The following CENPH variants were observed in gnomAD, a reference collection of about 807,000 sequenced individuals.
CENPH encodes CENP-H.
Under a neutral mutation model 42.9 loss-of-function variants are expected in CENPH, and 40 were observed. The observed-to-expected ratio is 0.93, with a 90% confidence interval of 0.72 to 1.21. The LOEUF is 1.21. Ranked by LOEUF, CENPH falls within the 50% of genes most tolerant of loss-of-function variation. CENPH has a pLI of 0.00. For synonymous variants in CENPH, 88 were observed against 96.5 expected (o/e 0.91, Z 0.52); for missense variants, 302 against 292.9 (o/e 1.03, Z -0.23).
intron 7 of CENPH, among the ~76,000 whole-genome samples, chr5:69,205,515 C>T (rs986334411): frequency 8.5e-5 from 13 of 152,122 alleles, no homozygotes; most frequent in African/African-American, 2.4e-4. Context: ...GCGTAAGCCA[C>T]TGTGACCGGC....
intron 5 of CENPH, among the ~76,000 whole-genome samples, chr5:69,198,891 G>A (rs1046875872): frequency 6.6e-6 from 1 of 152,012 alleles, no homozygotes; most frequent in African/African-American, 2.4e-5. Context: ...GCTGCAGTAA[G>A]CTGTGATCTT....
Position 69,208,375 on chromosome 5 carries a change from A to T in CENPH, c.651+16A>T. On this transcript the variant is annotated intron_variant, in intron 8 of 8. Coordinates refer to ENST00000283006, the MANE Select transcript of CENPH (RefSeq NM_022909.4). ...TGTGTTCCAGGTAACATTTATATAA[A>T]CTAGCAAGAGTTTTAATCTTGTTGC... The T allele has an allele frequency of 3.3e-6, 5 of 1,530,826 alleles. No homozygotes were observed. Among genetic ancestry groups the T allele is most frequent in the Non-Finnish European group, 4.5e-6 (5 of 1,114,930 alleles). The allele number at this position is 1,530,826 out of a possible 1,614,324, so 94.8% of individuals were successfully genotyped here.
In CENPH at chr5:69,195,702, A is replaced by T. The variant is rs1055277435; in HGVS notation, c.240-15A>T. On this transcript the variant is annotated splice_polypyrimidine_tract_variant and intron_variant, in intron 3 of 8. Coordinates refer to ENST00000283006, the MANE Select transcript of CENPH (RefSeq NM_022909.4). ...TGATATTGCTGAAATTCTTTTGCTC[A>T]TGTTTCTTTGATAGTAAAATTGAAG... is the stretch of plus-strand genomic sequence containing the variant. 31 of 1,445,058 alleles carry T rather than the reference A, an allele frequency of 2.1e-5. No individual in the cohort carries two copies. Among genetic ancestry groups the T allele is most frequent in the Non-Finnish European group, 3.0e-5 (31 of 1,037,582 alleles). The allele number at this position is 1,445,058 out of a possible 1,614,324, so 89.5% of individuals were successfully genotyped here. A position where few individuals can be genotyped will look rare whatever the true frequency, so the allele number is the denominator to read the frequency against.
At chr5:69,196,405 G>A (rs1297710422) in intron 4 of CENPH, among the ~76,000 whole-genome samples, 3 of 152,216 alleles carry the variant, frequency 2.0e-5, no homozygotes, top group African/African-American at 7.2e-5. Context: ...AGCACTTCGG[G>A]AGGCCAAGGT....
At position 69,209,889 on chromosome 5, in the gene CENPH, T is replaced by G. The variant is rs1465390967; in HGVS notation, c.*90T>G. The stretch of plus-strand genomic sequence containing the variant: ...GTGCATTTGTCTGTCCACCGTAATT[T>G]TAGAAAAGCATATCCATAACGTTTA... On this transcript the variant is annotated 3_prime_UTR_variant, in exon 9 of 9. Transcript: ENST00000283006. 2.6e-5 allele frequency: 19 copies of G among 743,314 alleles called. No individual in the cohort carries two copies. Among genetic ancestry groups the G allele is most frequent in the Non-Finnish European group, 4.1e-5 (18 of 434,674 alleles). 46.0% of individuals were successfully genotyped at this position (743,314 alleles called of 1,614,324 possible).
chr5:69,210,022 GA>G lies in CENPH; in HGVS notation c.*224del. 1 of 321,192 alleles carries G rather than the reference GA, an allele frequency of 3.1e-6. No homozygotes were observed. The highest frequency in any genetic ancestry group is 5.7e-6 in the Non-Finnish European group (1 of 176,630). 19.9% of individuals were successfully genotyped at this position (321,192 alleles called of 1,614,324 possible). A position where few individuals can be genotyped will look rare whatever the true frequency, so the allele number is the denominator to read the frequency against. On this transcript the variant is annotated 3_prime_UTR_variant, in exon 9 of 9. Coordinates refer to ENST00000283006, the MANE Select transcript of CENPH (RefSeq NM_022909.4). Reference sequence around the variant, plus strand: ...TTTTTTTGTTGTTGTTGTTTTTTGAGATGGAGTCTCGCTTTGTTGCCCAGAC... The same window carrying G: ...TTTTTTTGTTGTTGTTGTTTTTTGAGTGGAGTCTCGCTTTGTTGCCCAGAC...
chr5:69,205,558 T>C (rs1177963163), intron 7 of CENPH, among the ~76,000 whole-genome samples: 4 of 151,954 alleles, frequency 2.6e-5, no homozygotes, highest in Middle Eastern at 3.2e-3. Flanking sequence ...TCTTGTTCTG[T>C]TACTCAGGCT....
chr5:69,189,703 C>T lies in CENPH; in HGVS notation c.69C>T (p.Gly23=). 3.2e-6 allele frequency: 5 copies of T among 1,575,064 alleles called. No individual in the cohort carries two copies. The highest frequency in any genetic ancestry group is 4.3e-6 in the Non-Finnish European group (5 of 1,163,380). ...PADSGGEGRA[G]GPPQVAGAQA... The stretch of plus-strand genomic sequence containing the variant: ...ACTCCGGAGGGGAAGGCCGGGCAGG[C>T]GGGCCACCGCAGGTCGCCGGCGCCC... Residue 23 remains glycine (G), a synonymous_variant, in exon 1 of 9, where the codon GGC becomes GGT. Transcript: ENST00000283006.
At chr5:69,204,062 A>ATT (rs1198741488) in intron 7 of CENPH, among the ~76,000 whole-genome samples, 2 of 50,572 alleles carry the variant, frequency 4.0e-5, no homozygotes, top group Non-Finnish European at 7.7e-5. Context: ...TATATATATA[A>ATT]ATATATATAA....
At chr5:69,207,952 A>G in intron 7 of CENPH, 1 of 248,218 alleles carries the variant, frequency 4.0e-6, no homozygotes, top group Non-Finnish European at 7.7e-6. Context: ...GACAGCTGTT[A>G]TTGTCATACA....
chr5:69,208,110 A>G (rs951595406), intron 7 of CENPH, 86 bp from the exon 8 acceptor site: 46 of 674,268 alleles, frequency 6.8e-5, no homozygotes, highest in Non-Finnish European at 9.6e-5. Context: ...TAAAATAACC[A>G]AGAAGTGATC....
rs560633450 is a variant in CENPH at position 69,194,698 on chromosome 5, A to G, written c.239+3A>G. On this transcript the variant is annotated splice_donor_region_variant and intron_variant, in intron 3 of 8. Transcript: ENST00000283006. ...ATGCAAGAAAAGCAAATCGAAGCGT[A>G]TGTTATATTTAAAAATTTTGTTTAT... 4.5e-6 allele frequency: 7 copies of G among 1,563,320 alleles called. No individual in the cohort carries two copies. In the African/African-American group the frequency reaches 9.6e-5, roughly 21 times the overall value.
intron 2 of CENPH, among the ~76,000 whole-genome samples, chr5:69,192,967 A>T (rs985289316): frequency 1.5e-5 from 2 of 131,096 alleles, no homozygotes; most frequent in Non-Finnish European, 3.2e-5. Flanking sequence ...GTGGTGGTGC[A>T]TGCCTATAAG....
chr5:69,189,629 C>G lies in CENPH; in HGVS notation c.-6C>G. ...GTTGAGTGGTAGCCTTTCCCCTCAA[C>G]CAGCAATGGAGGAGCAGCCCCAGAT... On this transcript the variant is annotated 5_prime_UTR_variant, in exon 1 of 9. Coordinates refer to ENST00000283006, the MANE Select transcript of CENPH (RefSeq NM_022909.4). 1 of 1,597,924 alleles carries G rather than the reference C, an allele frequency of 6.3e-7. No homozygotes were observed. Among genetic ancestry groups the G allele is most frequent in the Non-Finnish European group, 8.5e-7 (1 of 1,175,120 alleles).
rs763464604 is a variant in CENPH at position 69,194,632 on chromosome 5, ATTAT to A, written c.191-8_191-5del. 53 of 1,532,072 alleles carry A rather than the reference ATTAT, an allele frequency of 3.5e-5. No homozygotes were observed. Among genetic ancestry groups the A allele is most frequent in the Non-Finnish European group, 4.5e-5 (50 of 1,119,018 alleles). The allele number at this position is 1,532,072 out of a possible 1,614,324, so 94.9% of individuals were successfully genotyped here. A position where few individuals can be genotyped will look rare whatever the true frequency, so the allele number is the denominator to read the frequency against. On this transcript the variant is annotated splice_polypyrimidine_tract_variant and intron_variant, in intron 2 of 8. Transcript: ENST00000283006. ...TCTAAAATGTTAGTAACTTCAAAAAATTATTTATTTGCAGGTGAAGAAAAAACTC... is the reference window on the plus strand; with the variant it reads ...TCTAAAATGTTAGTAACTTCAAAAAATTATTTGCAGGTGAAGAAAAAACTC...
chr5:69,200,717 A>ATTTTTTT lies in CENPH; in HGVS notation c.372-1788_372-1787insTTTTTTT, dbSNP rs1554058445. Among the ~76,000 whole-genome samples, 2 of 40,976 alleles carry ATTTTTTT rather than the reference A, an allele frequency of 4.9e-5. 1 individual carries two copies. The highest frequency in any genetic ancestry group is 1.2e-4 in the Non-Finnish European group (2 of 17,266). 26.9% of individuals were successfully genotyped at this position (40,976 alleles called of 152,430 possible). ...TATCCCAAACTTTCTGAATCAGCGT[A>ATTTTTTT]TCTTTTTTTTTTTTTTTTTTTTTTT... On this transcript the variant is annotated intron_variant, in intron 5 of 8. Transcript: ENST00000283006.
intron 2 of CENPH, among the ~76,000 whole-genome samples, chr5:69,193,346 C>G (rs1747909965): frequency 2.0e-5 from 3 of 151,884 alleles, no homozygotes; most frequent in Non-Finnish European, 2.9e-5. Flanking sequence ...AGATACAGAA[C>G]ATTTTCGGCT....
At chr5:69,191,897 G>C in intron 2 of CENPH, 47 bp downstream of exon 2, 3 of 1,143,642 alleles carry the variant, frequency 2.6e-6, no homozygotes, top group Non-Finnish European at 4.0e-6. Flanking sequence ...TTGTTTGTTT[G>C]TTTTTTTGAG....
chr5:69,206,958 C>T (rs1221841676), intron 7 of CENPH, among the ~76,000 whole-genome samples: 2 of 152,074 alleles, frequency 1.3e-5, no homozygotes. Flanking sequence ...AATCTTCCTG[C>T]CTCAGCCTTC....
Sources: gnomAD v4.1 joint callset for allele counts (sites outside exome capture counted in the v4.1 genomes callset) on GRCh38, gnomAD v4.1.1 for gene constraint, MANE v1.5 for transcripts, NCBI Gene and HGNC (gene_info 2026-07-23, HGNC 2026-07-21) for gene names.